The following MTUS2 variants were observed in gnomAD, a reference collection of about 807,000 sequenced individuals.
MTUS2 encodes microtubule-associated tumor suppressor candidate 2.
Under a neutral mutation model 114.1 loss-of-function variants are expected in MTUS2, and 40 were observed. That is an observed-to-expected ratio of 0.35 (90% CI 0.27 to 0.46). The LOEUF (loss-of-function observed/expected upper bound fraction) is 0.46. Ranked by LOEUF, MTUS2 falls within the 20% of genes least tolerant of loss-of-function variation. MTUS2 has a pLI of 1.00. For synonymous variants in MTUS2, 688 were observed against 672.0 expected (o/e 1.02, Z -0.37); for missense variants, 1,679 against 1,705.4 (o/e 0.98, Z 0.27).
chr13:29,158,537 C>T (rs1237008972), intron 5 of MTUS2, among the ~76,000 whole-genome samples: 2 of 151,746 alleles, frequency 1.3e-5, no homozygotes, highest in African/African-American at 4.8e-5. Flanking sequence ...TTCAAGAGAG[C>T]TGTTTTTCAT....
In MTUS2 at chr13:29,383,404, G is replaced by A. The variant is rs1872390700; in HGVS notation, c.3117+23931G>A. Among the ~76,000 whole-genome samples, 5 of 152,128 alleles carry A rather than the reference G, an allele frequency of 3.3e-5. 1 individual carries two copies. Among genetic ancestry groups the A allele is most frequent in the Admixed American group, 3.3e-4 (5 of 15,274 alleles). On this transcript the variant is annotated intron_variant, in intron 8 of 15. Transcript: ENST00000612955. The stretch of plus-strand genomic sequence containing the variant: ...ATGGTCATCTCAAGTATGGGCAGTA[G>A]CAGGGTGACCCAGTGAGCTCCTCTG...
At chr13:28,864,998 T>C (rs1877206313) in intron 2 of MTUS2, among the ~76,000 whole-genome samples, 2 of 152,220 alleles carry the variant, frequency 1.3e-5, no homozygotes, top group Admixed American at 6.5e-5. Context: ...ATTTGTACTT[T>C]TGACTTAAAG....
At chr13:29,447,528 C>T (rs538620160) in intron 9 of MTUS2, among the ~76,000 whole-genome samples, 4 of 151,224 alleles carry the variant, frequency 2.6e-5, no homozygotes, top group African/African-American at 9.7e-5. Flanking sequence ...GATAATTACC[C>T]GTTTGGGGAA....
At chr13:28,911,632 G>C (rs1880437604) in intron 2 of MTUS2, among the ~76,000 whole-genome samples, 1 of 152,068 alleles carries the variant, frequency 6.6e-6, no homozygotes, top group African/African-American at 2.4e-5. Flanking sequence ...CAGAGTAAAA[G>C]CTTTCCTTTT....
intron 2 of MTUS2, among the ~76,000 whole-genome samples, chr13:28,988,414 T>C (rs1022967558): frequency 7.2e-5 from 11 of 152,232 alleles, no homozygotes; most frequent in African/African-American, 2.4e-4. Flanking sequence ...TACAGATGTG[T>C]TGTAAAGCAA....
At chr13:29,064,803 TC>T (rs1888589905) in intron 4 of MTUS2, among the ~76,000 whole-genome samples, 1 of 152,072 alleles carries the variant, frequency 6.6e-6, no homozygotes, top group South Asian at 2.1e-4. Context: ...TCAGGCAGGC[TC>T]CAGTGTCTGC....
chr13:29,305,939 A>C (rs932427111), intron 6 of MTUS2, among the ~76,000 whole-genome samples: 3 of 152,230 alleles, frequency 2.0e-5, no homozygotes, highest in Non-Finnish European at 4.4e-5. Context: ...CTTATCCACC[A>C]TGATCAAGTT....
chr13:28,983,955 T>C (rs1417449531), intron 2 of MTUS2, among the ~76,000 whole-genome samples: 1 of 152,244 alleles, frequency 6.6e-6, no homozygotes, highest in Non-Finnish European at 1.5e-5. Context: ...CTTGCTTTGC[T>C]CTGGATTCTC....
chr13:29,023,973 A>G (rs1327002465), intron 2 of MTUS2, among the ~76,000 whole-genome samples: 1 of 152,214 alleles, frequency 6.6e-6, no homozygotes, highest in Middle Eastern at 3.2e-3. Context: ...TTTTGTAAGA[A>G]ATGAAGTAGC....
chr13:29,323,619 G>A (rs1900353399), intron 6 of MTUS2, among the ~76,000 whole-genome samples: 1 of 152,104 alleles, frequency 6.6e-6, no homozygotes, highest in Admixed American at 6.5e-5. Flanking sequence ...ATGTGGGTAG[G>A]TAAAAAGAAA....
At chr13:29,308,480 A>T (rs1178973648) in intron 6 of MTUS2, among the ~76,000 whole-genome samples, 1 of 152,262 alleles carries the variant, frequency 6.6e-6, no homozygotes, top group Non-Finnish European at 1.5e-5. Context: ...AATACCATTC[A>T]GGACATAGGC....
chr13:28,890,582 T>G (rs765347141), intron 2 of MTUS2, among the ~76,000 whole-genome samples: 6 of 152,212 alleles, frequency 3.9e-5, no homozygotes, highest in Non-Finnish European at 7.3e-5. Flanking sequence ...ACATAGTAAG[T>G]GCTCACAGAA....
intron 2 of MTUS2, among the ~76,000 whole-genome samples, chr13:28,911,717 T>C (rs940903602): frequency 5.3e-5 from 8 of 152,182 alleles, no homozygotes; most frequent in Non-Finnish European, 1.0e-4. Context: ...TGAGATAGTA[T>C]CTCATTGTGG....
intron 9 of MTUS2, among the ~76,000 whole-genome samples, chr13:29,468,997 ATGT>A: frequency 6.6e-6 from 1 of 152,332 alleles, no homozygotes; most frequent in East Asian, 1.9e-4. Flanking sequence ...ACAATAGTGG[ATGT>A]AATAGATACC....
intron 6 of MTUS2, chr13:29,306,851 CTGCT>C (rs150959443): frequency 0.11 from 54,874 of 478,082 alleles, 3,860 homozygotes; most frequent in African/African-American, 0.16. Flanking sequence ...GCTTTTAACT[CTGCT>C]AAAGTAGATA....
chr13:28,925,464 T>C (rs1881274062), intron 2 of MTUS2, among the ~76,000 whole-genome samples: 1 of 152,246 alleles, frequency 6.6e-6, no homozygotes, highest in African/African-American at 2.4e-5. Context: ...GAAATACTAA[T>C]CATTAGCTAC....
At chr13:29,234,185 C>T (rs1044808523) in intron 5 of MTUS2, among the ~76,000 whole-genome samples, 1 of 152,024 alleles carries the variant, frequency 6.6e-6, no homozygotes, top group Non-Finnish European at 1.5e-5. Context: ...TAATTGATTT[C>T]GATTTTTCAC....
intron 9 of MTUS2, among the ~76,000 whole-genome samples, chr13:29,459,106 C>G (rs1199564187): frequency 5.9e-5 from 9 of 152,236 alleles, no homozygotes; most frequent in Non-Finnish European, 1.2e-4. Context: ...CGCTTGGACC[C>G]AAGCGGAGTC....
At chr13:29,389,060 C>CTA (rs1308684526) in intron 8 of MTUS2, among the ~76,000 whole-genome samples, 2 of 151,998 alleles carry the variant, frequency 1.3e-5, no homozygotes, top group African/African-American at 4.8e-5. Flanking sequence ...CGCTAATTAA[C>CTA]ATTTCATAAA....
Sources: allele counts gnomAD v4.1 joint callset (sites outside exome capture counted in the v4.1 genomes callset), GRCh38; gene constraint gnomAD v4.1.1; transcripts MANE v1.5; gene names NCBI Gene and HGNC (gene_info 2026-07-23, HGNC 2026-07-21).